B3GALT5: variants seen among roughly 807,000 people sequenced by gnomAD.
The protein encoded by B3GALT5 is beta-1,3-galactosyltransferase 5, also known as UDP-Gal:betaGlcNAc beta 1,3-galactosyltransferase, polypeptide 5.
For missense variants in B3GALT5, 328 were observed against 396.6 expected, an observed-to-expected ratio of 0.83 and a Z score of 1.47; for synonymous variants, 156 against 158.6, an observed-to-expected ratio of 0.98 and a Z score of 0.12.
At position 39,670,779 on chromosome 21, in the gene B3GALT5, G is replaced by C. The variant is rs774910125; in HGVS notation, c.*9287G>C. The C allele has an allele frequency of 1.3e-5, 2 of 150,974 alleles. No homozygotes were observed. Among genetic ancestry groups the C allele is most frequent in the Admixed American group, 6.6e-5 (1 of 15,164 alleles). 9.4% of individuals were successfully genotyped at this position (150,974 alleles called of 1,614,324 possible). ...GACTCTCATGGGCCCTCCGTGCCAAGAGTCTATGGCTCTGTGATATATTAA... is the reference window on the plus strand; with the variant it reads ...GACTCTCATGGGCCCTCCGTGCCAACAGTCTATGGCTCTGTGATATATTAA... On this transcript the variant is annotated 3_prime_UTR_variant, in exon 4 of 4. Coordinates refer to ENST00000684187, the MANE Select transcript of B3GALT5 (RefSeq NM_001356336.2).
chr21:39,661,079 A>G lies in B3GALT5; in HGVS notation c.520A>G (p.Asn174Asp). 1 of 1,614,136 alleles carries G rather than the reference A, an allele frequency of 6.2e-7. No homozygotes were observed. Among genetic ancestry groups the G allele is most frequent in the Non-Finnish European group, 8.5e-7 (1 of 1,180,008 alleles). ...DYLTELLLKK[N>D]RTTRFFTGFL... ...TCTGACTGAACTGCTTCTGAAGAAAAACAGAACAACCAGGTTTTTCACTGG... is the reference window on the plus strand; with the variant it reads ...TCTGACTGAACTGCTTCTGAAGAAAGACAGAACAACCAGGTTTTTCACTGG... Residue 174 changes from asparagine to aspartate, a missense_variant, in exon 4 of 4, where the codon AAC (asparagine) becomes GAC (aspartate). By Grantham distance (23) the Asn-to-Asp change is conservative. Coordinates refer to ENST00000684187, the MANE Select transcript of B3GALT5 (RefSeq NM_001356336.2). This position sits in a 1 kb window ranked among gnomAD's most constrained non-coding sequence, Gnocchi z 4.7.
intron 1 of B3GALT5, among the ~76,000 whole-genome samples, chr21:39,617,595 C>G (rs963109127): frequency 6.6e-6 from 1 of 152,258 alleles, no homozygotes; most frequent in East Asian, 1.9e-4. Flanking sequence ...TTCCCTCCCT[C>G]GACACTTGAG....
intron 1 of B3GALT5, among the ~76,000 whole-genome samples, chr21:39,639,075 A>G (rs1201902272): frequency 2.6e-5 from 4 of 152,178 alleles, no homozygotes; most frequent in East Asian, 1.9e-4. Flanking sequence ...TCGCTCCCAT[A>G]TTACCACGAA....
chr21:39,617,822 A>T lies in B3GALT5; in HGVS notation c.-392+4755A>T, dbSNP rs117857039. Among the ~76,000 whole-genome samples the T allele has an allele frequency of 9.2e-4, 140 of 152,224 alleles. 1 individual carries two copies. In the East Asian group the frequency reaches 0.017, roughly 19 times the overall value. On this transcript the variant is annotated intron_variant, in intron 1 of 3. Coordinates refer to ENST00000684187, the MANE Select transcript of B3GALT5 (RefSeq NM_001356336.2). The stretch of plus-strand genomic sequence containing the variant: ...GTGGCCCAAGACAATTCTTCTTCTA[A>T]TGTGGCCCAGGGAAGCCAGAAGATC...
chr21:39,644,656 C>G (rs2079319943), intron 1 of B3GALT5, among the ~76,000 whole-genome samples: 1 of 152,154 alleles, frequency 6.6e-6, no homozygotes, highest in Non-Finnish European at 1.5e-5. Flanking sequence ...GTCTTGTGTT[C>G]TTGTTATGCA....
chr21:39,636,872 G>A (rs2079231875), intron 1 of B3GALT5, among the ~76,000 whole-genome samples: 3 of 152,176 alleles, frequency 2.0e-5, no homozygotes, highest in South Asian at 4.1e-4. Context: ...TGCTCAGAAC[G>A]TGGTGGTGGA....
At chr21:39,626,083 C>A (rs426768) in intron 1 of B3GALT5, among the ~76,000 whole-genome samples, 47 of 152,130 alleles carry the variant, frequency 3.1e-4, no homozygotes, top group Non-Finnish European at 5.1e-4. Flanking sequence ...TCAGTCATTT[C>A]TCCTCCCTAC....
intron 2 of B3GALT5, among the ~76,000 whole-genome samples, chr21:39,656,895 C>A (rs756881271): frequency 1.3e-5 from 2 of 152,226 alleles, no homozygotes; most frequent in African/African-American, 2.4e-5. Context: ...ACCCAGCAAC[C>A]AGCTTGTGCA....
intron 1 of B3GALT5, among the ~76,000 whole-genome samples, chr21:39,613,660 G>T (rs1333607052): frequency 7.2e-6 from 1 of 139,078 alleles, no homozygotes; most frequent in Non-Finnish European, 1.5e-5. Context: ...TATCTGTACC[G>T]TGTGTGTGTG....
intron 1 of B3GALT5, among the ~76,000 whole-genome samples, chr21:39,622,546 T>C (rs796136455): frequency 3.3e-5 from 5 of 152,094 alleles, no homozygotes; most frequent in African/African-American, 1.2e-4. Flanking sequence ...GCATTAGGGG[T>C]TGGTTTCTTT....
intron 1 of B3GALT5, among the ~76,000 whole-genome samples, chr21:39,615,664 C>T (rs1010110557): frequency 6.6e-6 from 1 of 152,148 alleles, no homozygotes; most frequent in Non-Finnish European, 1.5e-5. Flanking sequence ...ATATGACCTT[C>T]GGCAAGTTAC....
chr21:39,647,011 G>A (rs529761475), intron 2 of B3GALT5, among the ~76,000 whole-genome samples: 12 of 152,148 alleles, frequency 7.9e-5, no homozygotes, highest in Non-Finnish European at 1.6e-4. Flanking sequence ...TGAGACAGGA[G>A]GATCGCTTAA....
chr21:39,660,362 C>T (rs1249835234), intron 3 of B3GALT5, among the ~76,000 whole-genome samples, 198 bp from the exon 4 acceptor site: 1 of 152,206 alleles, frequency 6.6e-6, no homozygotes, highest in East Asian at 1.9e-4. Flanking sequence ...TTTTATCTTA[C>T]ACCATGAAGT....
rs2123675747 is a variant in B3GALT5 at position 39,612,988 on chromosome 21, G to A, written c.-471G>A. On this transcript the variant is annotated 5_prime_UTR_variant, in exon 1 of 4. Transcript: ENST00000684187. ...TCCGGGGACCGGCCGCGCGCCCCCT[G>A]CGTCCGCGGGCCGGGATGCGGCTCT... 1 of 151,822 alleles carries A rather than the reference G, an allele frequency of 6.6e-6. No homozygotes were observed. 9.4% of individuals were successfully genotyped at this position (151,822 alleles called of 1,614,324 possible). A position where few individuals can be genotyped will look rare whatever the true frequency, so the allele number is the denominator to read the frequency against.
rs574718794 is a variant in B3GALT5 at position 39,613,496 on chromosome 21, G to A, written c.-392+429G>A. ...TTCTGCATCGTGGGGGTTGTGGAAG[G>A]GGCTGATGGGCAGGATCATGAGAAA... On this transcript the variant is annotated intron_variant, in intron 1 of 3. Transcript: ENST00000684187. Among the ~76,000 whole-genome samples, 149 of 152,306 alleles carry A rather than the reference G, an allele frequency of 9.8e-4. 3 individuals are homozygous for A. In the South Asian group the frequency reaches 0.03, roughly 31 times the overall value.
Position 39,672,062 on chromosome 21 carries a change from G to A in B3GALT5, c.*10570G>A, listed in dbSNP as rs1477723847. 6 of 152,188 alleles carry A rather than the reference G, an allele frequency of 3.9e-5. No individual in the cohort carries two copies. The highest frequency in any genetic ancestry group is 1.3e-4 in the Admixed American group (2 of 15,278). The allele number at this position is 152,188 out of a possible 1,614,324, so 9.4% of individuals were successfully genotyped here. On this transcript the variant is annotated 3_prime_UTR_variant, in exon 4 of 4. Coordinates refer to ENST00000684187, the MANE Select transcript of B3GALT5 (RefSeq NM_001356336.2). ...TATGAGCAGAAAAACGAACTCCATA[G>A]CCAAATGCAACATTTTGTGTCATAC... is the stretch of plus-strand genomic sequence containing the variant.
rs2079622658 is a variant in B3GALT5, at chr21:39,670,967, T to C, written c.*9475T>C. 6.6e-6 allele frequency: 1 copy of C among 152,230 alleles called. No homozygotes were observed. The highest frequency in any genetic ancestry group is 2.4e-5 in the African/African-American group (1 of 41,452). The allele number at this position is 152,230 out of a possible 1,614,324, so 9.4% of individuals were successfully genotyped here. On this transcript the variant is annotated 3_prime_UTR_variant, in exon 4 of 4. Coordinates refer to ENST00000684187, the MANE Select transcript of B3GALT5 (RefSeq NM_001356336.2). ...CACAGACTGGGCGATTTATAGACAA[T>C]AGAAATTAATCTGGCTCATGGTTCT...
Position 39,661,317 on chromosome 21 carries a change from T to C in B3GALT5, c.758T>C (p.Leu253Pro). Residue 253 changes from leucine (L) to proline (P), a missense_variant, in exon 4 of 4, where the codon CTG (leucine) becomes CCG (proline). Leu to Pro is a moderately conservative substitution (Grantham distance 98, BLOSUM62 -3). Transcript: ENST00000684187. The surrounding 1 kb of genome is among the most constrained non-coding windows in gnomAD (Gnocchi z 4.7). Reference protein sequence around the residue: ...DVFVGLCLERLNIRLEELHSQ... With the variant: ...DVFVGLCLERPNIRLEELHSQ... ...TTTGTGGGGCTCTGCCTCGAAAGGC[T>C]GAACATCAGATTGGAGGAGCTCCAC... 6.2e-7 allele frequency: 1 copy of C among 1,614,124 alleles called. No homozygotes were observed. Among genetic ancestry groups the C allele is most frequent in the Non-Finnish European group, 8.5e-7 (1 of 1,179,992 alleles).
At chr21:39,628,753 G>A (rs148642103) in intron 1 of B3GALT5, among the ~76,000 whole-genome samples, 52 of 152,358 alleles carry the variant, frequency 3.4e-4, no homozygotes, top group Middle Eastern at 3.4e-3. Flanking sequence ...TTGAGCAGAT[G>A]TAAGTCTTTA....
Sources: allele counts gnomAD v4.1 joint callset (sites outside exome capture counted in the v4.1 genomes callset), GRCh38; gene constraint gnomAD v4.1.1; non-coding constraint Gnocchi (gnomAD v3.1); transcripts MANE v1.5; gene names NCBI Gene and HGNC (gene_info 2026-07-23, HGNC 2026-07-21).